NPTXR: variants seen among roughly 807,000 people sequenced by gnomAD.
The protein encoded by NPTXR is neuronal pentraxin receptor.
In NPTXR, 12 loss-of-function variants were observed where a neutral mutation model predicts 32.2. The ratio of observed to expected loss-of-function variants is 0.37; its 90% CI spans 0.24 to 0.60. The LOEUF is 0.60. Among genes scored for constraint, NPTXR ranks in the 20% least tolerant of loss-of-function variants. NPTXR has a pLI of 0.66. For synonymous variants in NPTXR, 323 were observed against 315.8 expected, an observed-to-expected ratio of 1.02 and a Z score of -0.24; for missense variants, 612 against 682.9, an observed-to-expected ratio of 0.90 and a Z score of 1.16.
In NPTXR at chr22:38,843,187, GC is replaced by G; in HGVS notation, c.624+47del. The G allele has an allele frequency of 1.6e-6, 2 of 1,271,196 alleles. No homozygotes were observed. Among genetic ancestry groups the G allele is most frequent in the Middle Eastern group, 3.1e-4 (1 of 3,236 alleles). 78.7% of individuals were successfully genotyped at this position (1,271,196 alleles called of 1,614,324 possible). A position where few individuals can be genotyped will look rare whatever the true frequency, so the allele number is the denominator to read the frequency against. On this transcript the variant is annotated intron_variant, in intron 1 of 4. Transcript: ENST00000333039. This position sits in a 1 kb window ranked among gnomAD's most constrained non-coding sequence, Gnocchi z 5.3. Reference sequence around the variant, plus strand: ...ACCGCCGGACGACCGCGGCCGGGCGGCCCCTCACACCACCCGGGCGGCTCCC... The same window carrying G: ...ACCGCCGGACGACCGCGGCCGGGCGGCCCTCACACCACCCGGGCGGCTCCC...
chr22:38,830,300 G>A (rs192740662), intron 1 of NPTXR, among the ~76,000 whole-genome samples: 112 of 152,338 alleles, frequency 7.4e-4, no homozygotes, highest in Admixed American at 3.0e-3. Flanking sequence ...AAATGATGGC[G>A]TGTAAGGGAA....
rs2093094207 is a variant in NPTXR at position 38,820,015 on chromosome 22, T to G, written c.*2594A>C. On this transcript the variant is annotated 3_prime_UTR_variant, in exon 5 of 5. Transcript: ENST00000333039. ...GGCTCAAGTGACCATGCAAGTGCTGTCACCTCCTTCCTAAGACCCCATCCT... is the reference window on the plus strand; with the variant it reads ...GGCTCAAGTGACCATGCAAGTGCTGGCACCTCCTTCCTAAGACCCCATCCT... The G allele has an allele frequency of 6.6e-6, 1 of 152,604 alleles. No individual in the cohort carries two copies. Among genetic ancestry groups the G allele is most frequent in the Admixed American group, 6.5e-5 (1 of 15,278 alleles). 9.5% of individuals were successfully genotyped at this position (152,604 alleles called of 1,614,324 possible).
At chr22:38,835,718 CT>C (rs1477006016) in intron 1 of NPTXR, among the ~76,000 whole-genome samples, 5 of 152,340 alleles carry the variant, frequency 3.3e-5, no homozygotes, top group East Asian at 3.9e-4. Context: ...TCCCCCACCC[CT>C]AGCCCACTTC....
At chr22:38,825,768 C>T (rs146550657) in intron 3 of NPTXR, among the ~76,000 whole-genome samples, 98 of 151,684 alleles carry the variant, frequency 6.5e-4, no homozygotes, top group African/African-American at 2.2e-3. Context: ...GTAGAAGGAA[C>T]GAGGAGGCCA....
intron 1 of NPTXR, among the ~76,000 whole-genome samples, chr22:38,835,520 G>A (rs2093122690): frequency 6.6e-6 from 1 of 152,140 alleles, no homozygotes; most frequent in South Asian, 2.1e-4. Context: ...GATGGGGTTG[G>A]CCATGTACCT....
At chr22:38,832,120 C>T (rs1016819604) in intron 1 of NPTXR, among the ~76,000 whole-genome samples, 4 of 152,148 alleles carry the variant, frequency 2.6e-5, no homozygotes, top group South Asian at 2.1e-4. Context: ...AGGGGGTGTG[C>T]GCTCAAGCTG....
rs1349637242 is a variant in NPTXR at position 38,819,315 on chromosome 22, T to A, written c.*3294A>T. ...AGCTGAGCTAAAGAAGGGCTGAAGCTCTGGCCCATGGTGGGAGGGACACAT... is the reference window on the plus strand; with the variant it reads ...AGCTGAGCTAAAGAAGGGCTGAAGCACTGGCCCATGGTGGGAGGGACACAT... On this transcript the variant is annotated 3_prime_UTR_variant, in exon 5 of 5. Coordinates refer to ENST00000333039, the MANE Select transcript of NPTXR (RefSeq NM_014293.4). 6.6e-6 allele frequency: 1 copy of A among 152,294 alleles called. No homozygotes were observed. Among genetic ancestry groups the A allele is most frequent in the Non-Finnish European group, 1.5e-5 (1 of 68,082 alleles). 9.4% of individuals were successfully genotyped at this position (152,294 alleles called of 1,614,324 possible).
chr22:38,838,453 G>A (rs922063874), intron 1 of NPTXR, among the ~76,000 whole-genome samples: 1 of 152,004 alleles, frequency 6.6e-6, no homozygotes, highest in Non-Finnish European at 1.5e-5. Context: ...CAAGTCTCTC[G>A]GCTATCTAGC....
At chr22:38,838,599 T>TGA (rs2093127631) in intron 1 of NPTXR, among the ~76,000 whole-genome samples, 1 of 94,462 alleles carries the variant, frequency 1.1e-5, no homozygotes, top group Non-Finnish European at 2.1e-5. Context: ...TTTTTTTTTT[T>TGA]GAGATGGAGT....
Position 38,843,158 on chromosome 22 carries a change from G to A in NPTXR, c.624+77C>T. On this transcript the variant is annotated intron_variant, in intron 1 of 4. Transcript: ENST00000333039. The surrounding 1 kb of genome is among the most constrained non-coding windows in gnomAD (Gnocchi z 5.3). ...AACACAGACGGGAGACCGGAGGCTC[G>A]GGGACCGCCGGACGACCGCGGCCGG... 3 of 1,218,304 alleles carry A rather than the reference G, an allele frequency of 2.5e-6. No homozygotes were observed. The highest frequency in any genetic ancestry group is 3.4e-5 in the East Asian group (1 of 29,822). 75.5% of individuals were successfully genotyped at this position (1,218,304 alleles called of 1,614,324 possible). A position where few individuals can be genotyped will look rare whatever the true frequency, so the allele number is the denominator to read the frequency against.
chr22:38,841,712 C>G (rs1370820769), intron 1 of NPTXR, among the ~76,000 whole-genome samples: 1 of 152,196 alleles, frequency 6.6e-6, no homozygotes, highest in Non-Finnish European at 1.5e-5. Flanking sequence ...GTGCCAGGCA[C>G]TATTCTTGGC....
intron 1 of NPTXR, among the ~76,000 whole-genome samples, chr22:38,840,100 C>T (rs779778473): frequency 6.6e-6 from 1 of 152,256 alleles, no homozygotes. Context: ...GTGGCTCCCA[C>T]TTGAGGCTTT....
chr22:38,842,259 C>T (rs919022283), intron 1 of NPTXR, among the ~76,000 whole-genome samples: 9 of 152,264 alleles, frequency 5.9e-5, no homozygotes, highest in African/African-American at 2.2e-4. Flanking sequence ...GCTTTGGCCT[C>T]TTTCTCTCTC....
intron 1 of NPTXR, among the ~76,000 whole-genome samples, chr22:38,841,979 C>T (rs1037359401): frequency 1.3e-5 from 2 of 152,152 alleles, no homozygotes; most frequent in Non-Finnish European, 2.9e-5. Context: ...TTTTCTCATC[C>T]GTAAGGTGAG....
chr22:38,837,262 C>T (rs950908945), intron 1 of NPTXR, among the ~76,000 whole-genome samples: 2 of 152,232 alleles, frequency 1.3e-5, no homozygotes, highest in Non-Finnish European at 2.9e-5. Flanking sequence ...GAACATGTTC[C>T]ACACTGCAGC....
chr22:38,822,727 G>C lies in NPTXR; in HGVS notation c.1385C>G (p.Ala462Gly). The C allele has an allele frequency of 6.2e-7, 1 of 1,614,162 alleles. No individual in the cohort carries two copies. ...GCCCAGCAGTGGCGCAGTGCAGTTG[G>C]CAATGCCCAGGACCTGGGCTGGTGT... The change falls in exon 5 of 5, where the codon GCC (alanine) becomes GGC (glycine). Residue 462 changes from alanine to glycine, a missense_variant. Physicochemically the swap from Ala to Gly is moderately conservative, Grantham distance 60. Coordinates refer to ENST00000333039, the MANE Select transcript of NPTXR (RefSeq NM_014293.4).
At position 38,834,337 on chromosome 22, in the gene NPTXR, G is replaced by A. The variant is rs767373875; in HGVS notation, c.625-5825C>T. On this transcript the variant is annotated intron_variant, in intron 1 of 4. Coordinates refer to ENST00000333039, the MANE Select transcript of NPTXR (RefSeq NM_014293.4). The surrounding 1 kb of genome is among the most constrained non-coding windows in gnomAD (Gnocchi z 4.4). ...TCCTCCTGGCTTCAGCCCTTACCCC[G>A]ACAGGACATAGGTCACGCCCACTGA... 1.8e-4 allele frequency among the ~76,000 whole-genome samples: 27 copies of A among 152,148 alleles called. No individual in the cohort carries two copies. The East Asian group carries it at 3.7e-3, about 21-fold the overall frequency.
chr22:38,835,692 C>G (rs73417489), intron 1 of NPTXR, among the ~76,000 whole-genome samples: 1 of 152,194 alleles, frequency 6.6e-6, no homozygotes, highest in Non-Finnish European at 1.5e-5. Context: ...CCCCCAAAAT[C>G]CTCAGCAGAT....
intron 1 of NPTXR, among the ~76,000 whole-genome samples, chr22:38,833,674 G>A (rs1002027779): frequency 3.1e-4 from 43 of 140,506 alleles, no homozygotes; most frequent in Non-Finnish European, 5.4e-4. Context: ...TTTTTTTTGC[G>A]ATGGAGTTTC....
Sources: allele counts gnomAD v4.1 joint callset (sites outside exome capture counted in the v4.1 genomes callset), GRCh38; gene constraint gnomAD v4.1.1; non-coding constraint Gnocchi (gnomAD v3.1); transcripts MANE v1.5; gene names NCBI Gene and HGNC (gene_info 2026-07-23, HGNC 2026-07-21).